DCLK2: variants seen among roughly 807,000 people sequenced by gnomAD.
DCLK2 encodes doublecortin like kinase 2.
DCLK2 carries 31 observed loss-of-function variants against 78.4 expected under a neutral mutation model. The observed-to-expected ratio is 0.40, with a 90% CI of 0.30 to 0.53. DCLK2 has a LOEUF of 0.53. Ranked by LOEUF, DCLK2 falls within the 20% of genes least tolerant of loss-of-function variation. DCLK2 has a pLI of 0.61. For synonymous variants in DCLK2, 407 were observed against 374.9 expected (o/e 1.09, Z -0.99); for missense variants, 872 against 973.7 (o/e 0.90, Z 1.39).
At chr4:150,254,709 C>T (rs1052783038) in intron 15 of DCLK2, among the ~76,000 whole-genome samples, 2 of 152,168 alleles carry the variant, frequency 1.3e-5, no homozygotes, top group Non-Finnish European at 2.9e-5. Context: ...GAGACAGGAT[C>T]TTGCTCTGTT....
chr4:150,147,032 G>A lies in DCLK2; in HGVS notation c.756+44220G>A, dbSNP rs932031962. Among the ~76,000 whole-genome samples the A allele has an allele frequency of 5.9e-5, 9 of 152,062 alleles. No individual in the cohort carries two copies. In the East Asian group the frequency reaches 7.7e-4, roughly 13 times the overall value. On this transcript the variant is annotated intron_variant, in intron 2 of 15. Transcript: ENST00000296550. ...AGTGTGGTGGCTCATGCCTATTATC[G>A]CAGCACTTTGGGAGGCAGAGGCAGG...
At chr4:150,180,640 A>G (rs918416777) in intron 2 of DCLK2, among the ~76,000 whole-genome samples, 17 of 152,168 alleles carry the variant, frequency 1.1e-4, no homozygotes, top group Non-Finnish European at 1.5e-5. Context: ...GGGGCGCAGA[A>G]CACAATACCC....
At chr4:150,168,530 A>G (rs1458199300) in intron 2 of DCLK2, among the ~76,000 whole-genome samples, 1 of 152,118 alleles carries the variant, frequency 6.6e-6, no homozygotes, top group African/African-American at 2.4e-5. Flanking sequence ...CCTTAGTTGA[A>G]TTCTTTCTTC....
chr4:150,113,456 G>A (rs35939331), intron 2 of DCLK2, among the ~76,000 whole-genome samples: 57,711 of 151,584 alleles, frequency 0.38, 11,153 homozygotes, highest in Non-Finnish European at 0.42. Context: ...AGGGTTTTCT[G>A]TTTCTTTCTG....
intron 5 of DCLK2, among the ~76,000 whole-genome samples, 158 bp from the exon 6 acceptor site, chr4:150,220,545 A>AT (rs1288153601): frequency 6.6e-6 from 1 of 152,234 alleles, no homozygotes; most frequent in Non-Finnish European, 1.5e-5. Context: ...CACTGATGTG[A>AT]TGTGCATAAG....
At chr4:150,139,934 T>G (rs188683022) in intron 2 of DCLK2, among the ~76,000 whole-genome samples, 1 of 152,370 alleles carries the variant, frequency 6.6e-6, no homozygotes, top group East Asian at 1.9e-4. Context: ...ATGGTTGGTT[T>G]GTTTTACATT....
At chr4:150,097,049 C>T (rs1206920008) in intron 1 of DCLK2, among the ~76,000 whole-genome samples, 1 of 151,872 alleles carries the variant, frequency 6.6e-6, no homozygotes, top group Non-Finnish European at 1.5e-5. Context: ...AGGGATTTAA[C>T]TTTGAATAGG....
intron 13 of DCLK2, 41 bp from the exon 14 acceptor site, chr4:150,248,264 T>G: frequency 2.6e-6 from 4 of 1,564,730 alleles, no homozygotes; most frequent in Non-Finnish European, 2.6e-6. Flanking sequence ...AATTACCTCC[T>G]TTCTCCTCCT....
At chr4:150,103,949 C>T (rs1321788379) in intron 2 of DCLK2, among the ~76,000 whole-genome samples, 2 of 151,798 alleles carry the variant, frequency 1.3e-5, no homozygotes, top group African/African-American at 4.8e-5. Flanking sequence ...TAGCACAGTA[C>T]AACACAAAAC....
At chr4:150,118,258 A>G (rs763389797) in intron 2 of DCLK2, among the ~76,000 whole-genome samples, 12 of 151,982 alleles carry the variant, frequency 7.9e-5, no homozygotes, top group Non-Finnish European at 1.6e-4. Flanking sequence ...GGTGATTTCA[A>G]AAAAAAATTG....
intron 2 of DCLK2, among the ~76,000 whole-genome samples, chr4:150,152,335 G>A (rs1734957415): frequency 6.6e-6 from 1 of 152,204 alleles, no homozygotes; most frequent in East Asian, 1.9e-4. Context: ...AAGCTGGAGT[G>A]CAGTGGCACG....
intron 2 of DCLK2, among the ~76,000 whole-genome samples, chr4:150,153,359 T>C (rs1735024950): frequency 6.6e-6 from 1 of 152,064 alleles, no homozygotes; most frequent in South Asian, 2.1e-4. Context: ...GGAGTAATGC[T>C]CCAGGCCTGC....
intron 2 of DCLK2, among the ~76,000 whole-genome samples, chr4:150,162,206 A>AT (rs1303306455): frequency 6.6e-6 from 1 of 151,554 alleles, no homozygotes; most frequent in Non-Finnish European, 1.5e-5. Flanking sequence ...AATTTTTTGC[A>AT]TTTTTTGTAG....
intron 2 of DCLK2, among the ~76,000 whole-genome samples, chr4:150,181,616 T>G (rs1277091884): frequency 5.3e-5 from 8 of 150,616 alleles, no homozygotes; most frequent in Admixed American, 3.9e-4. Flanking sequence ...TTAGATCCAG[T>G]GTTTTTTTAT....
chr4:150,142,935 CT>C (rs1734212782), intron 2 of DCLK2, among the ~76,000 whole-genome samples: 1 of 152,040 alleles, frequency 6.6e-6, no homozygotes, highest in Non-Finnish European at 1.5e-5. Flanking sequence ...CCTCACTCCC[CT>C]CTCACCCTTT....
Position 150,247,621 on chromosome 4 carries a change from A to G in DCLK2, c.1797A>G (p.Glu599=), listed in dbSNP as rs776454745. ...PPFRSENNLQ[E]DLFDQILAGK... ...GGCTTAGTGAGAACAATCTCCAGGA[A>G]GATCTCTTCGACCAGATCTTGGCTG... Residue 599 remains glutamate, a synonymous_variant, in exon 13 of 16, where the codon GAA becomes GAG. Coordinates refer to ENST00000296550, the MANE Select transcript of DCLK2 (RefSeq NM_001040260.4). 1.2e-6 allele frequency: 2 copies of G among 1,613,990 alleles called. No homozygotes were observed. The highest frequency in any genetic ancestry group is 3.3e-5 in the Admixed American group (2 of 60,020).
intron 2 of DCLK2, among the ~76,000 whole-genome samples, chr4:150,148,236 C>T (rs1169527981): frequency 1.3e-5 from 2 of 152,074 alleles, no homozygotes; most frequent in African/African-American, 2.4e-5. Context: ...TTGTGGCATG[C>T]ACCTGTAGTC....
At chr4:150,224,468 T>C in intron 7 of DCLK2, 33 bp from the exon 8 acceptor site, 2 of 1,554,268 alleles carry the variant, frequency 1.3e-6, no homozygotes, top group Non-Finnish European at 1.7e-6. Context: ...TTAATTTATG[T>C]CTTTAAATGG....
chr4:150,202,391 G>A (rs1229357663), intron 4 of DCLK2, among the ~76,000 whole-genome samples: 8 of 152,104 alleles, frequency 5.3e-5, no homozygotes, highest in African/African-American at 1.9e-4. Context: ...TTTTGAGTCA[G>A]AAAAATTAAA....
Sources: allele counts gnomAD v4.1 joint callset (sites outside exome capture counted in the v4.1 genomes callset), GRCh38; gene constraint gnomAD v4.1.1; transcripts MANE v1.5; gene names NCBI Gene and HGNC (gene_info 2026-07-23, HGNC 2026-07-21).